SOX6: variants seen among roughly 807,000 people sequenced by gnomAD.
SOX6 encodes the protein transcription factor SOX-6.
A neutral mutation model predicts 97.8 loss-of-function variants in SOX6; 11 were observed. The ratio of observed to expected loss-of-function variants is 0.11; its 90% confidence interval spans 0.07 to 0.19. The LOEUF is 0.19. Among genes scored for constraint, SOX6 ranks in the 10% least tolerant of loss-of-function variants. The pLI, the probability that SOX6 is intolerant of heterozygous loss-of-function variation, is 1.00. For synonymous variants in SOX6, 360 were observed against 371.4 expected (o/e 0.97, Z 0.35); for missense variants, 810 against 1,039.5 (o/e 0.78, Z 3.04).
intron 6 of SOX6, among the ~76,000 whole-genome samples, chr11:16,138,885 A>C (rs1349807568): frequency 6.6e-6 from 1 of 152,066 alleles, no homozygotes; most frequent in African/African-American, 2.4e-5. Context: ...TGAACTCATC[A>C]TTTTTTATGG....
At chr11:16,503,596 A>G (rs144430664) in intron 4 of SOX6, among the ~76,000 whole-genome samples, 27 of 152,354 alleles carry the variant, frequency 1.8e-4, no homozygotes, top group Admixed American at 3.3e-4. Flanking sequence ...AGGAATGGAA[A>G]AGATATTCCA....
At chr11:16,446,897 TTTCTTTCC>T (rs1013754572) in intron 1 of SOX6, among the ~76,000 whole-genome samples, 21 of 152,102 alleles carry the variant, frequency 1.4e-4, no homozygotes, top group African/African-American at 3.9e-4. Flanking sequence ...TCTTTGTTTC[TTTCTTTCC>T]TTCTTTCCTT....
intron 4 of SOX6, among the ~76,000 whole-genome samples, chr11:16,567,592 G>A (rs1382902082): frequency 3.3e-5 from 4 of 120,242 alleles, no homozygotes; most frequent in East Asian, 2.7e-4. Flanking sequence ...TTTTTGAGAC[G>A]GAGTCTCGCT....
At chr11:16,525,005 C>T (rs934226581) in intron 4 of SOX6, among the ~76,000 whole-genome samples, 1 of 152,124 alleles carries the variant, frequency 6.6e-6, no homozygotes, top group African/African-American at 2.4e-5. Context: ...TGGAAGAACA[C>T]TCCATGCTCA....
chr11:16,185,206 A>G (rs1851439229), intron 5 of SOX6, among the ~76,000 whole-genome samples: 1 of 152,158 alleles, frequency 6.6e-6, no homozygotes, highest in Non-Finnish European at 1.5e-5. Context: ...TGTAGACTAC[A>G]GTGTGAGAAA....
chr11:16,012,262 G>A (rs1334240132), intron 13 of SOX6, among the ~76,000 whole-genome samples: 1 of 152,062 alleles, frequency 6.6e-6, no homozygotes, highest in Non-Finnish European at 1.5e-5. Flanking sequence ...AATATGAAGT[G>A]TAACTCCAGC....
intron 13 of SOX6, among the ~76,000 whole-genome samples, chr11:15,998,714 C>T (rs188496359): frequency 6.6e-6 from 1 of 152,014 alleles, no homozygotes; most frequent in African/African-American, 2.4e-5. Context: ...ACCGCCAGAA[C>T]AAGTTGATAG....
Position 16,426,098 on chromosome 11 carries a change from T to C in SOX6, c.-5+50217A>G, listed in dbSNP as rs556728566. On this transcript the variant is annotated intron_variant, in intron 1 of 15. Coordinates refer to the SOX6 transcript ENST00000396356. ...GGTGAAACCCCGTCTCTACTAAAAA[T>C]ACAAAAAATTAGCCAGGCGTGGTGG... Among the ~76,000 whole-genome samples the C allele has an allele frequency of 4.6e-5, 7 of 150,564 alleles. No homozygotes were observed. In the South Asian group the frequency reaches 6.3e-4, roughly 14 times the overall value.
chr11:16,137,072 T>G (rs1042884222), intron 6 of SOX6, among the ~76,000 whole-genome samples: 2 of 152,208 alleles, frequency 1.3e-5, no homozygotes, highest in East Asian at 3.8e-4. Context: ...AATTTTTGTG[T>G]TGCAACATTA....
At chr11:16,520,646 C>T (rs1861044283) in intron 4 of SOX6, among the ~76,000 whole-genome samples, 1 of 152,296 alleles carries the variant, frequency 6.6e-6, no homozygotes, top group Non-Finnish European at 1.5e-5. Flanking sequence ...GGGTGCAGCA[C>T]AACATGTGCG....
intron 3 of SOX6, among the ~76,000 whole-genome samples, chr11:16,258,671 G>A (rs187620900): frequency 6.6e-6 from 1 of 151,836 alleles, no homozygotes; most frequent in Admixed American, 6.6e-5. Flanking sequence ...AAAACCTATA[G>A]AATGTACACC....
At chr11:16,113,969 A>G (rs1590204821) in intron 6 of SOX6, among the ~76,000 whole-genome samples, 1 of 152,320 alleles carries the variant, frequency 6.6e-6, no homozygotes, top group African/African-American at 2.4e-5. Context: ...AATGAAATGC[A>G]AAGAAGAACT....
At chr11:15,989,313 G>T in intron 13 of SOX6, 83 bp from the exon 14 acceptor site, 1 of 1,156,466 alleles carries the variant, frequency 8.6e-7, no homozygotes, top group Non-Finnish European at 1.2e-6. Context: ...GCCTGGGTCA[G>T]CTGTTTTCCC....
chr11:16,724,675 C>A, intron 2 of SOX6, among the ~76,000 whole-genome samples: 1 of 152,112 alleles, frequency 6.6e-6, no homozygotes, highest in South Asian at 2.1e-4. Flanking sequence ...CGTTTGGGAA[C>A]CATTGCTGCA....
intron 3 of SOX6, among the ~76,000 whole-genome samples, chr11:16,287,495 T>C (rs1481168215): frequency 3.9e-5 from 6 of 152,092 alleles, no homozygotes; most frequent in Admixed American, 3.3e-4. Context: ...ACCTGGACAC[T>C]GTGCTTACCA....
intron 9 of SOX6, among the ~76,000 whole-genome samples, chr11:16,081,183 G>A (rs1323295198): frequency 6.6e-6 from 1 of 152,076 alleles, no homozygotes; most frequent in Non-Finnish European, 1.5e-5. Flanking sequence ...TTTCTGTTCT[G>A]TATTTAGTAA....
At chr11:16,697,073 A>G (rs1280579449) in intron 3 of SOX6, among the ~76,000 whole-genome samples, 1 of 152,156 alleles carries the variant, frequency 6.6e-6, no homozygotes, top group Non-Finnish European at 1.5e-5. Flanking sequence ...ATAAAATGCA[A>G]TTCCTCACTG....
intron 3 of SOX6, chr11:16,252,267 A>G (rs2134201238): frequency 6.6e-6 from 1 of 152,348 alleles, no homozygotes; most frequent in African/African-American, 2.4e-5. Flanking sequence ...TAAACTGAAA[A>G]GTCAACAGCT....
chr11:16,302,566 CTT>C (rs71044096), intron 3 of SOX6, among the ~76,000 whole-genome samples: 2 of 86,990 alleles, frequency 2.3e-5, no homozygotes, highest in African/African-American at 4.5e-5. Flanking sequence ...TTCTTTTTTT[CTT>C]TTTTTTTTTT....
Sources: gnomAD v4.1 joint callset for allele counts (sites outside exome capture counted in the v4.1 genomes callset) on GRCh38, gnomAD v4.1.1 for gene constraint, MANE v1.5 for transcripts, NCBI Gene and HGNC (gene_info 2026-07-23, HGNC 2026-07-21) for gene names.